The following SH2B3 variants were observed in gnomAD, a reference collection of about 807,000 sequenced individuals.
SH2B3 encodes the protein SH2B adapter protein 3.
In SH2B3, 43 loss-of-function variants were observed where a neutral mutation model predicts 51.9. The ratio of observed to expected loss-of-function variants is 0.83; its 90% CI spans 0.65 to 1.07. The LOEUF is 1.07. SH2B3 is among the 50% of genes least tolerant of loss of function. The probability of loss-of-function intolerance (pLI) is 0.00; values close to 1 mark genes in which losing one functional copy is unlikely to be tolerated. For missense variants in SH2B3, 952 were observed against 834.3 expected (o/e 1.14, Z -1.74); for synonymous variants, 396 against 376.0 (o/e 1.05, Z -0.62).
intron 2 of SH2B3, among the ~76,000 whole-genome samples, chr12:111,434,495 T>C (rs887242056): frequency 1.3e-5 from 2 of 152,226 alleles, no homozygotes; most frequent in Non-Finnish European, 2.9e-5. Context: ...GCACGGATAT[T>C]AGCTCTGTCC....
Position 111,449,442 on chromosome 12 carries a change from C to T in SH2B3, c.*1140C>T, listed in dbSNP as rs1323562072. The T allele has an allele frequency of 6.6e-6, 1 of 152,176 alleles. No individual in the cohort carries two copies. Among genetic ancestry groups the T allele is most frequent in the Non-Finnish European group, 1.5e-5 (1 of 68,040 alleles). 9.4% of individuals were successfully genotyped at this position (152,176 alleles called of 1,614,324 possible). ...CTAATGAGAAACTCCTTTAATAGCC[C>T]ACAATCAGTGTTCTGTTCTAGCTGG... On this transcript the variant is annotated 3_prime_UTR_variant, in exon 8 of 8. Coordinates refer to ENST00000341259, the MANE Select transcript of SH2B3 (RefSeq NM_005475.3).
chr12:111,413,593 ACT>A (rs1870868058), intron 1 of SH2B3, among the ~76,000 whole-genome samples: 1 of 152,114 alleles, frequency 6.6e-6, no homozygotes, highest in Non-Finnish European at 1.5e-5. Context: ...GGGCTTCAAG[ACT>A]CTGACATACA....
intron 4 of SH2B3, 31 bp from the exon 5 acceptor site, chr12:111,447,094 A>C (rs1161804027): frequency 1.2e-6 from 2 of 1,610,502 alleles, no homozygotes; most frequent in Non-Finnish European, 1.7e-6. Context: ...TGACCTGCCC[A>C]GATCCTTAAC....
intron 2 of SH2B3, among the ~76,000 whole-genome samples, chr12:111,442,428 C>T (rs1293186894): frequency 2.0e-5 from 3 of 152,190 alleles, no homozygotes; most frequent in African/African-American, 7.2e-5. Flanking sequence ...AGAGGCGTGG[C>T]TGGTGCTGGA....
At chr12:111,432,763 A>G (rs1176895532) in intron 2 of SH2B3, among the ~76,000 whole-genome samples, 2 of 152,236 alleles carry the variant, frequency 1.3e-5, no homozygotes, top group East Asian at 1.9e-4. Context: ...GAATCAGACT[A>G]TGCAGCCTTT....
At position 111,447,820 on chromosome 12, in the gene SH2B3, A is replaced by C. The variant is rs146584688; in HGVS notation, c.1401A>C (p.Gln467His). 3 of 1,613,566 alleles carry C rather than the reference A, an allele frequency of 1.9e-6. No homozygotes were observed. Among genetic ancestry groups the C allele is most frequent in the Non-Finnish European group, 1.7e-6 (2 of 1,179,842 alleles). The part of the protein sequence containing the change: ...RLSSYVVVVS[Q>H]PPGSCNTVLF... ...CCAGCTACGTGGTAGTCGTCTCCCA[A>C]CCACCAGGTCTGACCCTACTGCCCT... The change falls in exon 7 of 8, where the codon CAA becomes CAC. Residue 467 changes from glutamine (Q) to histidine (H), a missense_variant. Transcript: ENST00000341259.
At position 111,446,839 on chromosome 12, in the gene SH2B3, C is replaced by CGTAA. The variant is rs1565989749; in HGVS notation, c.819_820insGTAA (p.Thr274ValfsTer16). On this transcript the variant is annotated frameshift_variant, in exon 3 of 8. Transcript: ENST00000341259. LOFTEE classifies it high-confidence loss of function. ...GGCTTGAGATGCCTGACAACCTTTA[C>CGTAA]ACCTTTGTGCTGAAGGTGAGTGACA... is the stretch of plus-strand genomic sequence containing the variant. 1 of 1,599,206 alleles carries CGTAA rather than the reference C, an allele frequency of 6.3e-7. No individual in the cohort carries two copies.
chr12:111,410,814 C>A lies in SH2B3; in HGVS notation c.-28+4537C>A, dbSNP rs1870641178. Among the ~76,000 whole-genome samples, 1 of 152,216 alleles carries A rather than the reference C, an allele frequency of 6.6e-6. No homozygotes were observed. The highest frequency in any genetic ancestry group is 1.5e-5 in the Non-Finnish European group (1 of 68,036). Reference sequence around the variant, plus strand: ...AATGCTGTGAAAGGGCAGCAGGCCGCCTGCCAGGCAGTGTGTGTCAGAATC... The same window carrying A: ...AATGCTGTGAAAGGGCAGCAGGCCGACTGCCAGGCAGTGTGTGTCAGAATC... On this transcript the variant is annotated intron_variant, in intron 1 of 7. Transcript: ENST00000341259. The surrounding 1 kb of genome is among the most constrained non-coding windows in gnomAD (Gnocchi z 4.9).
intron 2 of SH2B3, among the ~76,000 whole-genome samples, chr12:111,436,894 C>A (rs1312297505): frequency 6.6e-6 from 1 of 152,056 alleles, no homozygotes; most frequent in African/African-American, 2.4e-5. Context: ...TGGCTAATCA[C>A]TTCCCCCGCC....
chr12:111,410,607 C>A lies in SH2B3; in HGVS notation c.-28+4330C>A, dbSNP rs1429990888. On this transcript the variant is annotated intron_variant, in intron 1 of 7. Transcript: ENST00000341259. The surrounding 1 kb of genome is among the most constrained non-coding windows in gnomAD (Gnocchi z 4.9). ...GGGCAGAGGAAGCCAGAGGACATTT[C>A]CTGTTCTGGCAGACTGTGCTGGCCT... 6.6e-6 allele frequency among the ~76,000 whole-genome samples: 1 copy of A among 152,162 alleles called. No homozygotes were observed. Among genetic ancestry groups the A allele is most frequent in the Non-Finnish European group, 1.5e-5 (1 of 68,018 alleles).
rs1309538924 is a variant in SH2B3, at chr12:111,435,935, G to C, written c.733-10818G>C. Reference sequence around the variant, plus strand: ...TGACGGCAGCTGGCATGCAGCAGGGGAGGTGTGCTGGGACCAGGCCTGGAG... The same window carrying C: ...TGACGGCAGCTGGCATGCAGCAGGGCAGGTGTGCTGGGACCAGGCCTGGAG... On this transcript the variant is annotated intron_variant, in intron 2 of 7. Transcript: ENST00000341259. The surrounding 1 kb of genome is among the most constrained non-coding windows in gnomAD (Gnocchi z 4.8). Among the ~76,000 whole-genome samples, 1 of 152,192 alleles carries C rather than the reference G, an allele frequency of 6.6e-6. No individual in the cohort carries two copies. Among genetic ancestry groups the C allele is most frequent in the Admixed American group, 6.5e-5 (1 of 15,282 alleles).
rs769879184 is a variant in SH2B3 at position 111,447,975 on chromosome 12, T to C, written c.1409-8T>C. 3 of 1,597,504 alleles carry C rather than the reference T, an allele frequency of 1.9e-6. No individual in the cohort carries two copies. ...GATGGTGTGGTCTCTCTTGGTCACT[T>C]GTCCTAGGTTCCTGCAACACGGTCC... is the stretch of plus-strand genomic sequence containing the variant. On this transcript the variant is annotated splice_polypyrimidine_tract_variant and splice_region_variant and intron_variant, in intron 7 of 7. Transcript: ENST00000341259.
rs1291114332 is a variant in SH2B3, at chr12:111,448,337, TGAG to T, written c.*39_*41del. ...AATTCCAGGCCTCAACAGCTGCCCT[TGAG>T]GAGCACAGGCAGAAGTGTGAACTTG... is the stretch of plus-strand genomic sequence containing the variant. On this transcript the variant is annotated 3_prime_UTR_variant, in exon 8 of 8. Transcript: ENST00000341259. The T allele has an allele frequency of 1.4e-5, 21 of 1,450,282 alleles. No homozygotes were observed. Among genetic ancestry groups the T allele is most frequent in the African/African-American group, 1.1e-4 (8 of 71,624 alleles). The allele number at this position is 1,450,282 out of a possible 1,614,324, so 89.8% of individuals were successfully genotyped here. A position where few individuals can be genotyped will look rare whatever the true frequency, so the allele number is the denominator to read the frequency against.
chr12:111,428,202 G>C (rs761883288), intron 2 of SH2B3, among the ~76,000 whole-genome samples: 2 of 152,230 alleles, frequency 1.3e-5, no homozygotes, highest in Non-Finnish European at 2.9e-5. Context: ...CCCCTCACCT[G>C]GCACAGAGGA....
rs752310988 is a variant in SH2B3 at position 111,447,782 on chromosome 12, G to C, written c.1363G>C (p.Asp455His). The C allele has an allele frequency of 1.2e-6, 2 of 1,614,182 alleles. No individual in the cohort carries two copies. The highest frequency in any genetic ancestry group is 3.3e-4 in the Middle Eastern group (2 of 6,060). ...CCCACTCGAGTGCGGCGCCGCCTGT[G>C]ATGTCCGGCTCTCCAGCTACGTGGT... Reference protein sequence around the residue: ...PIPLECGAACDVRLSSYVVVV... With the variant: ...PIPLECGAACHVRLSSYVVVV... Residue 455 changes from aspartate (D) to histidine (H), a missense_variant, in exon 7 of 8, where the codon GAT becomes CAT. Transcript: ENST00000341259.
chr12:111,430,583 G>C (rs1259368456), intron 2 of SH2B3, among the ~76,000 whole-genome samples: 1 of 152,148 alleles, frequency 6.6e-6, no homozygotes, highest in Non-Finnish European at 1.5e-5. Context: ...TGGGCTTGGA[G>C]GTTCAGGGTC....
rs1005956251 is a variant in SH2B3 at position 111,409,484 on chromosome 12, C to T, written c.-28+3207C>T. Among the ~76,000 whole-genome samples the T allele has an allele frequency of 6.6e-6, 1 of 152,196 alleles. No homozygotes were observed. The highest frequency in any genetic ancestry group is 1.5e-5 in the Non-Finnish European group (1 of 68,034). On this transcript the variant is annotated intron_variant, in intron 1 of 7. Transcript: ENST00000341259. The surrounding 1 kb of genome is among the most constrained non-coding windows in gnomAD (Gnocchi z 4.0). ...AGGAAGCCGCTGCCGTCTGGCAGACCGGAGACGCCTGCCTCGGCGAGTCCA... is the reference window on the plus strand; with the variant it reads ...AGGAAGCCGCTGCCGTCTGGCAGACTGGAGACGCCTGCCTCGGCGAGTCCA...
upstream of SH2B3, among the ~76,000 whole-genome samples, chr12:111,405,738 GC>G: frequency 6.6e-6 from 1 of 152,328 alleles, no homozygotes. This position sits in a 1 kb window ranked among gnomAD's most constrained non-coding sequence, Gnocchi z 5.4. Flanking sequence ...GACCCTGGCA[GC>G]CGCGGACTAG....
At chr12:111,432,048 G>A (rs1872530940) in intron 2 of SH2B3, among the ~76,000 whole-genome samples, 1 of 152,130 alleles carries the variant, frequency 6.6e-6, no homozygotes, top group Admixed American at 6.5e-5. Context: ...CAGCCTTTGC[G>A]GGCCTGGCAT....
Sources: gnomAD v4.1 joint callset for allele counts (sites outside exome capture counted in the v4.1 genomes callset) on GRCh38, gnomAD v4.1.1 for gene constraint, Gnocchi (gnomAD v3.1) non-coding constraint, MANE v1.5 for transcripts, NCBI Gene and HGNC (gene_info 2026-07-23, HGNC 2026-07-21) for gene names.